SMOC2: variants seen among roughly 807,000 people sequenced by gnomAD.
The protein encoded by SMOC2 is SPARC-related modular calcium-binding protein 2.
SMOC2 carries 39 observed loss-of-function variants against 61.4 expected under a neutral mutation model. The ratio of observed to expected loss-of-function variants is 0.64; its 90% CI spans 0.49 to 0.83. SMOC2 has a LOEUF of 0.83. SMOC2 is among the 40% of genes least tolerant of loss of function. The pLI is 0.00. For missense variants in SMOC2, 556 were observed against 592.9 expected, an observed-to-expected ratio of 0.94 and a Z score of 0.65; for synonymous variants, 247 against 239.9, an observed-to-expected ratio of 1.03 and a Z score of -0.27.
In SMOC2 at chr6:168,475,040, G is replaced by A. The variant is rs146665373; in HGVS notation, c.84+33586G>A. Among the ~76,000 whole-genome samples the A allele has an allele frequency of 1.4e-4, 22 of 152,240 alleles. No individual in the cohort carries two copies. Among genetic ancestry groups the A allele is most frequent in the African/African-American group, 3.6e-4 (15 of 41,558 alleles). On this transcript the variant is annotated intron_variant, in intron 1 of 12. Coordinates refer to ENST00000356284, the MANE Select transcript of SMOC2 (RefSeq NM_001166412.2). This position sits in a 1 kb window ranked among gnomAD's most constrained non-coding sequence, Gnocchi z 4.6. ...AAAGAAGAAAAAAGAATGTAAGGTC[G>A]TTGTGGCTGTAGCTTCAGAATAGAT...
At position 168,502,954 on chromosome 6, in the gene SMOC2, G is replaced by A. The variant is rs1782769465; in HGVS notation, c.85-6961G>A. Among the ~76,000 whole-genome samples, 5 of 151,592 alleles carry A rather than the reference G, an allele frequency of 3.3e-5. No individual in the cohort carries two copies. In the South Asian group the frequency reaches 8.4e-4, roughly 25 times the overall value. ...GCTAATTTTTTGTATTTTTAGTAGA[G>A]GTAGGGTTTCACTGTGTTAGCCAGG... On this transcript the variant is annotated intron_variant, in intron 1 of 12. Coordinates refer to ENST00000356284, the MANE Select transcript of SMOC2 (RefSeq NM_001166412.2).
intron 1 of SMOC2, among the ~76,000 whole-genome samples, chr6:168,495,872 C>T (rs1237052369): frequency 6.6e-6 from 1 of 152,232 alleles, no homozygotes; most frequent in African/African-American, 2.4e-5. Flanking sequence ...ACACGGCCCG[C>T]CCTGCCCTCC....
chr6:168,509,877 T>TCTTTAAATTTGTCTGG, intron 1 of SMOC2, 38 bp from the exon 2 acceptor site: 1 of 1,574,608 alleles, frequency 6.4e-7, no homozygotes. Context: ...GAAGAATGTG[T>TCTTTAAATTTGTCTGG]CTTTAAATTT....
At chr6:168,638,310 C>G (rs556472640) in intron 9 of SMOC2, among the ~76,000 whole-genome samples, 1 of 152,310 alleles carries the variant, frequency 6.6e-6, no homozygotes, top group South Asian at 2.1e-4. Flanking sequence ...CACTAAGAAC[C>G]TACTTCACAC....
intron 1 of SMOC2, among the ~76,000 whole-genome samples, chr6:168,486,990 C>A (rs1782353370): frequency 1.3e-5 from 2 of 152,148 alleles, no homozygotes; most frequent in Non-Finnish European, 2.9e-5. Context: ...CCTTTGCAAC[C>A]TTTTGGTGTA....
At chr6:168,524,253 G>T (rs1031458536) in intron 2 of SMOC2, among the ~76,000 whole-genome samples, 1 of 152,142 alleles carries the variant, frequency 6.6e-6, no homozygotes, top group Non-Finnish European at 1.5e-5. Context: ...GGAATAAGCC[G>T]CAACCCTGTA....
At chr6:168,481,936 C>A (rs554482211) in intron 1 of SMOC2, among the ~76,000 whole-genome samples, 83 of 151,526 alleles carry the variant, frequency 5.5e-4, no homozygotes. Flanking sequence ...TTAATTCTAC[C>A]CTTTAAAAAA....
chr6:168,442,008 T>A (rs957363936), intron 1 of SMOC2, among the ~76,000 whole-genome samples: 1 of 152,180 alleles, frequency 6.6e-6, no homozygotes, highest in Non-Finnish European at 1.5e-5. Flanking sequence ...ATCCCGGGCC[T>A]CTCGCCGGCT....
chr6:168,661,793 A>G (rs984523185), intron 11 of SMOC2, among the ~76,000 whole-genome samples: 6 of 152,200 alleles, frequency 3.9e-5, no homozygotes, highest in African/African-American at 1.2e-4. Flanking sequence ...TATCACTCCA[A>G]TAGTATTTGA....
In SMOC2 at chr6:168,475,547, C is replaced by A. The variant is rs1351155405; in HGVS notation, c.84+34093C>A. 6.6e-6 allele frequency among the ~76,000 whole-genome samples: 1 copy of A among 152,028 alleles called. No individual in the cohort carries two copies. Among genetic ancestry groups the A allele is most frequent in the Admixed American group, 6.5e-5 (1 of 15,274 alleles). On this transcript the variant is annotated intron_variant, in intron 1 of 12. Transcript: ENST00000356284. This position sits in a 1 kb window ranked among gnomAD's most constrained non-coding sequence, Gnocchi z 4.6. ...GCAGGCTGGGGAGAGGAGGCCATGG[C>A]CAGCGTTGCCTTGGGGGACAGGGCA...
chr6:168,656,057 C>T (rs1787314972), intron 11 of SMOC2, among the ~76,000 whole-genome samples: 1 of 152,240 alleles, frequency 6.6e-6, no homozygotes, highest in African/African-American at 2.4e-5. Context: ...CCTTGGGGAT[C>T]TGTTTCCTGA....
Position 168,575,901 on chromosome 6 carries a change from G to A in SMOC2, c.638-22917G>A, listed in dbSNP as rs370235508. Among the ~76,000 whole-genome samples, 6 of 152,206 alleles carry A rather than the reference G, an allele frequency of 3.9e-5. No homozygotes were observed. The East Asian group carries it at 5.8e-4, about 15-fold the overall frequency. On this transcript the variant is annotated intron_variant, in intron 7 of 12. Transcript: ENST00000356284. ...CACCATTGTGACTTTACTGACTTGGGTGCCCTCCCAAGCACCCAGGTGAAG... is the reference window on the plus strand; with the variant it reads ...CACCATTGTGACTTTACTGACTTGGATGCCCTCCCAAGCACCCAGGTGAAG...
intron 7 of SMOC2, among the ~76,000 whole-genome samples, chr6:168,566,278 A>G (rs1784539007): frequency 6.6e-6 from 1 of 152,168 alleles, no homozygotes; most frequent in African/African-American, 2.4e-5. Flanking sequence ...GTCCTCATAC[A>G]GTACATGATT....
intron 11 of SMOC2, among the ~76,000 whole-genome samples, chr6:168,661,642 C>G (rs552057603): frequency 1.1e-4 from 16 of 152,230 alleles, no homozygotes; most frequent in African/African-American, 3.1e-4. Context: ...TTTTTTATAA[C>G]TTTAATTTAC....
At chr6:168,525,861 C>T (rs1783441294) in intron 2 of SMOC2, among the ~76,000 whole-genome samples, 1 of 152,158 alleles carries the variant, frequency 6.6e-6, no homozygotes, top group Non-Finnish European at 1.5e-5. Flanking sequence ...GAGACCCCCG[C>T]CCCTCAGTCA....
chr6:168,467,995 A>G (rs977618580), intron 1 of SMOC2, among the ~76,000 whole-genome samples: 1 of 152,236 alleles, frequency 6.6e-6, no homozygotes, highest in African/African-American at 2.4e-5. Flanking sequence ...ATCTATCTAC[A>G]TTTCTCAGAA....
intron 9 of SMOC2, among the ~76,000 whole-genome samples, chr6:168,623,329 AT>A (rs11284179): frequency 0.041 from 5,333 of 129,024 alleles, 262 homozygotes; most frequent in Admixed American, 0.16. Flanking sequence ...TGGATAATTA[AT>A]TTTTTTTTTT....
intron 9 of SMOC2, among the ~76,000 whole-genome samples, chr6:168,620,895 T>G (rs1786225906): frequency 6.6e-6 from 1 of 152,206 alleles, no homozygotes; most frequent in South Asian, 2.1e-4. Context: ...CTTAAGAATT[T>G]AATTGGACAG....
At chr6:168,502,742 TTTAA>T (rs1782762628) in intron 1 of SMOC2, among the ~76,000 whole-genome samples, 2 of 36,118 alleles carry the variant, frequency 5.5e-5, no homozygotes, top group South Asian at 1.2e-3. Flanking sequence ...TTTATTTTAA[TTTAA>T]TTTAATTTAA....
Sources: allele counts gnomAD v4.1 joint callset (sites outside exome capture counted in the v4.1 genomes callset), GRCh38; gene constraint gnomAD v4.1.1; non-coding constraint Gnocchi (gnomAD v3.1); transcripts MANE v1.5; gene names NCBI Gene and HGNC (gene_info 2026-07-23, HGNC 2026-07-21).